Variants in KDM8 observed in about 807,000 individuals in gnomAD.
The protein encoded by KDM8 is lysine demethylase 8, also known as bifunctional peptidase and arginyl-hydroxylase JMJD5.
A neutral mutation model predicts 46.9 loss-of-function variants in KDM8; 35 were observed. The ratio of observed to expected loss-of-function variants is 0.75; its 90% CI spans 0.57 to 0.99. KDM8 has a LOEUF of 0.99. Ranked by LOEUF, KDM8 falls within the 50% of genes least tolerant of loss-of-function variation. KDM8 has a pLI of 0.00. For synonymous variants in KDM8, 232 were observed against 227.7 expected (o/e 1.02, Z -0.17); for missense variants, 475 against 537.0 (o/e 0.88, Z 1.14).
intron 3 of KDM8, 154 bp from the exon 4 acceptor site, chr16:27,214,722 A>C (rs2140971113): frequency 1.3e-6 from 1 of 775,376 alleles, no homozygotes; most frequent in Non-Finnish European, 2.1e-6. Flanking sequence ...CCACCTCTCC[A>C]TGCCGGTTCC....
At position 27,219,225 on chromosome 16, in the gene KDM8, A is replaced by C. The variant is rs112289568; in HGVS notation, c.993+115A>C. 3.3e-5 allele frequency: 37 copies of C among 1,136,472 alleles called. No homozygotes were observed. The African/African-American group carries it at 5.7e-4, about 18-fold the overall frequency. The allele number at this position is 1,136,472 out of a possible 1,614,324, so 70.4% of individuals were successfully genotyped here. ...CTTAAAAAGAAACAAGAAGCACTGA[A>C]GGGGATGAGGACAAAAATATAAAGC... On this transcript the variant is annotated intron_variant, in intron 6 of 7. Transcript: ENST00000286096.
At chr16:27,209,602 C>T (rs181755305) in intron 1 of KDM8, among the ~76,000 whole-genome samples, 1 of 152,208 alleles carries the variant, frequency 6.6e-6, no homozygotes, top group Non-Finnish European at 1.5e-5. Flanking sequence ...CTCTGGGAAA[C>T]GTAGGGGAAT....
rs776009484 is a variant in KDM8, at chr16:27,218,957, A to C, written c.844-4A>C. The C allele has an allele frequency of 2.5e-6, 4 of 1,613,906 alleles. No individual in the cohort carries two copies. The highest frequency in any genetic ancestry group is 2.7e-5 in the African/African-American group (2 of 74,918). ...ACATCTCATGTCTGCTCTGCCGCCC[A>C]CAGATCCCGGAGTTGAAGCAGGACA... On this transcript the variant is annotated splice_region_variant and splice_polypyrimidine_tract_variant and intron_variant, in intron 5 of 7. Coordinates refer to ENST00000286096, the MANE Select transcript of KDM8 (RefSeq NM_024773.3).
At position 27,210,628 on chromosome 16, in the gene KDM8, G is replaced by T. The variant is rs777092782; in HGVS notation, c.498+7G>T. The T allele has an allele frequency of 1.0e-5, 15 of 1,504,524 alleles. No homozygotes were observed. Among genetic ancestry groups the T allele is most frequent in the South Asian group, 1.4e-5 (1 of 72,966 alleles). 93.2% of individuals were successfully genotyped at this position (1,504,524 alleles called of 1,614,324 possible). A position where few individuals can be genotyped will look rare whatever the true frequency, so the allele number is the denominator to read the frequency against. ...AGAGCAACCCTGCACAAAGGTATGT[G>T]GGGGAGATTCTCCCCAAGCACACTA... On this transcript the variant is annotated splice_region_variant and intron_variant, in intron 2 of 7. Transcript: ENST00000286096.
chr16:27,211,138 TTGCAAAGGCAGCGCCC>T, intron 2 of KDM8: 3 of 443,892 alleles, frequency 6.8e-6, no homozygotes, highest in Admixed American at 2.5e-5. Flanking sequence ...TTTTTTTTTT[TTGCAAAGGCAGCGCCC>T]TTTCAGCAGA....
chr16:27,219,929 C>T (rs1438027458), intron 6 of KDM8, among the ~76,000 whole-genome samples: 2 of 152,156 alleles, frequency 1.3e-5, no homozygotes, highest in Non-Finnish European at 2.9e-5. Context: ...AAAAACATAC[C>T]TTAGGCCAAG....
At chr16:27,208,925 G>A (rs1004752163) in intron 1 of KDM8, among the ~76,000 whole-genome samples, 4 of 152,184 alleles carry the variant, frequency 2.6e-5, no homozygotes, top group Admixed American at 6.5e-5. Flanking sequence ...AACCAAGAAT[G>A]GAAATGAACT....
rs751751624 is a variant in KDM8 at position 27,210,366 on chromosome 16, G to A, written c.243G>A (p.Thr81=). 1.4e-5 allele frequency: 22 copies of A among 1,613,404 alleles called. No individual in the cohort carries two copies. Among genetic ancestry groups the A allele is most frequent in the Middle Eastern group, 1.6e-4 (1 of 6,062 alleles). The change falls in exon 2 of 8, where the codon ACG becomes ACA. Residue 81 remains threonine, a synonymous_variant. Transcript: ENST00000286096. ...ILDYSWEKLN[T]GTWQDVDKDW... is the part of the protein sequence containing the mutation. ...ACTACTCCTGGGAGAAGCTCAACACGGGCACATGGCAGGACGTAGACAAAG... is the reference window on the plus strand; with the variant it reads ...ACTACTCCTGGGAGAAGCTCAACACAGGCACATGGCAGGACGTAGACAAAG...
intron 1 of KDM8, among the ~76,000 whole-genome samples, chr16:27,209,619 C>T (rs751758977): frequency 5.9e-5 from 9 of 152,240 alleles, no homozygotes; most frequent in African/African-American, 1.4e-4. Flanking sequence ...GAATGAGCTA[C>T]GTTCTTGCCC....
Position 27,214,825 on chromosome 16 carries a change from A to G in KDM8, c.666-51A>G, listed in dbSNP as rs757436770. ...CCACATGCAAAGCACACTTAGTACT[A>G]TGCCCAACAGATATTAGCAGTGACG... On this transcript the variant is annotated intron_variant, in intron 3 of 7. Transcript: ENST00000286096. 13 of 1,604,262 alleles carry G rather than the reference A, an allele frequency of 8.1e-6. No individual in the cohort carries two copies. The Admixed American group carries it at 1.2e-4, about 14-fold the overall frequency.
chr16:27,220,989 A>C lies in KDM8; in HGVS notation c.*259A>C, dbSNP rs1005458462. ...GAGCCCAGAAGGACATTGCAGACAG[A>C]CAGCCTGCATGGGGACTCTGGCATC... On this transcript the variant is annotated 3_prime_UTR_variant, in exon 8 of 8. Coordinates refer to ENST00000286096, the MANE Select transcript of KDM8 (RefSeq NM_024773.3). 2 of 538,644 alleles carry C rather than the reference A, an allele frequency of 3.7e-6. No individual in the cohort carries two copies. The highest frequency in any genetic ancestry group is 6.1e-5 in the Admixed American group (2 of 32,696). The allele number at this position is 538,644 out of a possible 1,614,324, so 33.4% of individuals were successfully genotyped here.
chr16:27,213,378 G>T, intron 2 of KDM8: 1 of 506,424 alleles, frequency 2.0e-6, no homozygotes, highest in Non-Finnish European at 3.5e-6. Flanking sequence ...AAACATTTTT[G>T]ATGAAATGGT....
intron 5 of KDM8, chr16:27,216,236 C>T (rs1378591784): frequency 1.4e-5 from 8 of 558,912 alleles, no homozygotes; most frequent in Admixed American, 6.0e-5. Context: ...GCTGTCGGAG[C>T]GGGTGGCTGG....
At chr16:27,213,116 C>T (rs949522340) in intron 2 of KDM8, among the ~76,000 whole-genome samples, 13 of 152,002 alleles carry the variant, frequency 8.6e-5, no homozygotes, top group Non-Finnish European at 1.6e-4. Flanking sequence ...CTGTAAGGAC[C>T]GGGTGGCCAT....
chr16:27,204,447 C>A, intron 1 of KDM8: 1 of 968,382 alleles, frequency 1.0e-6, no homozygotes, highest in East Asian at 3.6e-5. Context: ...CCAAACTTTC[C>A]TGGGAAGTTT....
intron 1 of KDM8, among the ~76,000 whole-genome samples, chr16:27,205,485 A>G (rs1469732833): frequency 6.6e-6 from 1 of 152,186 alleles, no homozygotes; most frequent in Non-Finnish European, 1.5e-5. Context: ...TCACAAAGCC[A>G]GGACATAAGC....
chr16:27,216,078 C>T (rs752684985), intron 5 of KDM8, 89 bp downstream of exon 5: 16 of 1,404,112 alleles, frequency 1.1e-5, no homozygotes, highest in East Asian at 2.3e-5. Flanking sequence ...GAGCAGTGAG[C>T]GTGAGTAGGA....
At chr16:27,216,083 G>A (rs2083547947) in intron 5 of KDM8, 94 bp downstream of exon 5, 1 of 1,340,294 alleles carries the variant, frequency 7.5e-7, no homozygotes, top group Admixed American at 1.7e-5. Context: ...GTGAGCGTGA[G>A]TAGGAGGGAG....
chr16:27,210,105 A>T lies in KDM8; in HGVS notation c.-19A>T, dbSNP rs1253901865. On this transcript the variant is annotated 5_prime_UTR_variant, in exon 2 of 8. Coordinates refer to ENST00000286096, the MANE Select transcript of KDM8 (RefSeq NM_024773.3). ...TCCACCTCCCCAGGCACGGGACTGA[A>T]CCAGCTGGTGGTGGCCCGATGGCTG... 6.2e-7 allele frequency: 1 copy of T among 1,607,270 alleles called. No individual in the cohort carries two copies. Among genetic ancestry groups the T allele is most frequent in the Non-Finnish European group, 8.5e-7 (1 of 1,176,816 alleles).
Sources: allele counts gnomAD v4.1 joint callset (sites outside exome capture counted in the v4.1 genomes callset), GRCh38; gene constraint gnomAD v4.1.1; transcripts MANE v1.5; gene names NCBI Gene and HGNC (gene_info 2026-07-23, HGNC 2026-07-21).